The following MGAT3 variants were observed in gnomAD, a reference collection of about 807,000 sequenced individuals.
MGAT3 encodes the protein beta-1,4-mannosyl-glycoprotein 4-beta-N-acetylglucosaminyltransferase.
A neutral mutation model predicts 29.8 loss-of-function variants in MGAT3; 9 were observed. The ratio of observed to expected loss-of-function variants is 0.30; its 90% CI spans 0.18 to 0.53. The LOEUF (loss-of-function observed/expected upper bound fraction) is 0.53. MGAT3 is among the 20% of genes least tolerant of loss of function. The pLI is 0.96. For synonymous variants in MGAT3, 397 were observed against 348.9 expected (o/e 1.14, Z -1.54); for missense variants, 557 against 769.5 (o/e 0.72, Z 3.27).
At position 39,488,897 on chromosome 22, in the gene MGAT3, G is replaced by A; in HGVS notation, c.1550G>A (p.Gly517Asp). 1.2e-6 allele frequency: 2 copies of A among 1,601,704 alleles called. No individual in the cohort carries two copies. Among genetic ancestry groups the A allele is most frequent in the South Asian group, 1.1e-5 (1 of 89,492 alleles). ...GCGGCGGGCGGGTGGCGCCACAGGG[G>A]TCCCGAGGGAAGGCCGCCCGCCCGG... ...STAAGGWRHR[G>D]PEGRPPARGK... Residue 517 changes from glycine to aspartate, a missense_variant, in exon 2 of 2, where the codon GGT becomes GAT. Physicochemically the swap from Gly to Asp is moderately conservative, Grantham distance 94 (BLOSUM62 -1). Around this residue, in one of 3 missense-constraint regions of MGAT3, gnomAD observed 102 missense variants for 97.0 expected, o/e 1.05. Transcript: ENST00000341184.
rs143400156 is a variant in MGAT3 at position 39,487,512 on chromosome 22, G to T, written c.165G>T (p.Pro55=). The change falls in exon 2 of 2, where the codon CCG becomes CCT. Residue 55 remains proline, a synonymous_variant. Transcript: ENST00000341184. This position sits in a 1 kb window ranked among gnomAD's most constrained non-coding sequence, Gnocchi z 5.7. Reference sequence around the variant, plus strand: ...CCAGCTTTTTCTGGAACAATGCCCCGGTCACGCCCCAGGCCAGCCCCGAGC... The same window carrying T: ...CCAGCTTTTTCTGGAACAATGCCCCTGTCACGCCCCAGGCCAGCCCCGAGC... The part of the protein sequence containing the change: ...LVSSFFWNNA[P]VTPQASPEPG... The T allele has an allele frequency of 5.3e-4, 859 of 1,612,172 alleles. 5 individuals carry two copies. The East Asian group carries it at 0.013, about 24-fold the overall frequency.
chr22:39,473,996 C>G (rs1464963433), intron 1 of MGAT3, among the ~76,000 whole-genome samples: 2 of 152,042 alleles, frequency 1.3e-5, no homozygotes, highest in Non-Finnish European at 2.9e-5. Context: ...TTGGAGTTTT[C>G]CTGACTTTTT....
At chr22:39,485,177 C>G (rs1283468133) in intron 1 of MGAT3, among the ~76,000 whole-genome samples, 2 of 152,202 alleles carry the variant, frequency 1.3e-5, no homozygotes, top group Non-Finnish European at 2.9e-5. Context: ...GGTCACTGGT[C>G]TCACTTGGCC....
chr22:39,472,280 G>A (rs2145716716), intron 1 of MGAT3, among the ~76,000 whole-genome samples: 1 of 152,254 alleles, frequency 6.6e-6, no homozygotes, highest in Non-Finnish European at 1.5e-5. Context: ...GAGAGGCAGT[G>A]TGGGTTCAGG....
intron 1 of MGAT3, among the ~76,000 whole-genome samples, chr22:39,459,900 C>T (rs1382988536): frequency 5.3e-5 from 8 of 152,242 alleles, no homozygotes; most frequent in Non-Finnish European, 8.8e-5. Context: ...TGCCAGCTGG[C>T]GGGCCAGGCC....
At chr22:39,469,288 C>T (rs1284851989) in intron 1 of MGAT3, among the ~76,000 whole-genome samples, 1 of 152,128 alleles carries the variant, frequency 6.6e-6, no homozygotes, top group East Asian at 1.9e-4. Flanking sequence ...TCACAGGTTA[C>T]TAGCTCAGGT....
chr22:39,470,331 G>T (rs1348832375), intron 1 of MGAT3, among the ~76,000 whole-genome samples: 13 of 152,214 alleles, frequency 8.5e-5, no homozygotes, highest in Non-Finnish European at 1.6e-4. Flanking sequence ...GGCGTTCCAG[G>T]CGGAGGGATC....
intron 1 of MGAT3, among the ~76,000 whole-genome samples, chr22:39,467,596 G>A (rs980547982): frequency 6.6e-6 from 1 of 152,206 alleles, no homozygotes; most frequent in Non-Finnish European, 1.5e-5. Context: ...ACATGGACAC[G>A]ACACGGGACC....
At chr22:39,465,163 C>G (rs1024620849) in intron 1 of MGAT3, among the ~76,000 whole-genome samples, 1 of 152,172 alleles carries the variant, frequency 6.6e-6, no homozygotes, top group African/African-American at 2.4e-5. Context: ...TGACCTGGTT[C>G]CTGCTGAGAA....
intron 1 of MGAT3, among the ~76,000 whole-genome samples, chr22:39,479,998 A>G (rs1443455687): frequency 2.0e-5 from 3 of 152,200 alleles, no homozygotes; most frequent in African/African-American, 4.8e-5. Flanking sequence ...CAGGGCAGAG[A>G]TAATGATACC....
At position 39,490,935 on chromosome 22, in the gene MGAT3, T is replaced by A. The variant is rs894157135; in HGVS notation, c.*1986T>A. 2 of 166,134 alleles carry A rather than the reference T, an allele frequency of 1.2e-5. No homozygotes were observed. The highest frequency in any genetic ancestry group is 2.9e-5 in the Non-Finnish European group (2 of 67,984). 10.3% of individuals were successfully genotyped at this position (166,134 alleles called of 1,614,324 possible). A position where few individuals can be genotyped will look rare whatever the true frequency, so the allele number is the denominator to read the frequency against. On this transcript the variant is annotated 3_prime_UTR_variant, in exon 2 of 2. Transcript: ENST00000341184. Reference sequence around the variant, plus strand: ...AAGCAAAGCTAAAGGGGATGCAGGGTCTGTCTGTCTGTCTGTCTTTCAGTC... The same window carrying A: ...AAGCAAAGCTAAAGGGGATGCAGGGACTGTCTGTCTGTCTGTCTTTCAGTC...
intron 1 of MGAT3, among the ~76,000 whole-genome samples, chr22:39,458,034 G>A (rs1473180052): frequency 1.3e-5 from 2 of 152,222 alleles, no homozygotes; most frequent in South Asian, 2.1e-4. Context: ...GCAGTCGGGG[G>A]CTGGGCGGGT....
At chr22:39,467,010 A>T (rs1928667150) in intron 1 of MGAT3, among the ~76,000 whole-genome samples, 1 of 152,200 alleles carries the variant, frequency 6.6e-6, no homozygotes, top group African/African-American at 2.4e-5. Context: ...GCTAGGTGGC[A>T]GGGGCACAGC....
At chr22:39,461,838 T>A (rs1325133286) in intron 1 of MGAT3, among the ~76,000 whole-genome samples, 2 of 151,900 alleles carry the variant, frequency 1.3e-5, no homozygotes, top group African/African-American at 4.8e-5. Context: ...GTGACAGAGG[T>A]TCCAGGATAG....
intron 1 of MGAT3, among the ~76,000 whole-genome samples, chr22:39,470,995 G>A (rs1276425075): frequency 6.6e-6 from 1 of 152,184 alleles, no homozygotes; most frequent in Non-Finnish European, 1.5e-5. Flanking sequence ...GGGTCCAGGA[G>A]AGCCCTCTCA....
intron 1 of MGAT3, among the ~76,000 whole-genome samples, chr22:39,484,211 C>T (rs1374562970): frequency 1.3e-5 from 2 of 152,168 alleles, no homozygotes; most frequent in Non-Finnish European, 2.9e-5. Context: ...CTGTGCCTTA[C>T]GACCATGTGG....
At chr22:39,475,128 C>CTTTTTTTTTTT (rs58543840) in intron 1 of MGAT3, among the ~76,000 whole-genome samples, 35 of 118,762 alleles carry the variant, frequency 2.9e-4, no homozygotes, top group African/African-American at 1.2e-3. Context: ...GCTTGCCAGG[C>CTTTTTTTTTTT]TTTTTTTTTT....
intron 1 of MGAT3, among the ~76,000 whole-genome samples, chr22:39,463,756 T>TA (rs940138463): frequency 3.2e-4 from 48 of 147,710 alleles, no homozygotes; most frequent in African/African-American, 1.2e-3. Flanking sequence ...TACAAAAAAT[T>TA]AAAAAAAAAA....
intron 1 of MGAT3, among the ~76,000 whole-genome samples, chr22:39,478,286 C>T (rs1601725705): frequency 6.6e-6 from 1 of 152,364 alleles, no homozygotes; most frequent in South Asian, 2.1e-4. Context: ...CTGGCATCCT[C>T]CAAAATGCCC....
Sources: allele counts gnomAD v4.1 joint callset (sites outside exome capture counted in the v4.1 genomes callset), GRCh38; gene constraint gnomAD v4.1.1; regional missense constraint gnomAD v4.1.1; non-coding constraint Gnocchi (gnomAD v3.1); transcripts MANE v1.5; gene names NCBI Gene and HGNC (gene_info 2026-07-23, HGNC 2026-07-21).